The following LRP1B variants were observed in gnomAD, a reference collection of about 807,000 sequenced individuals.
LRP1B encodes low-density lipoprotein receptor-related protein 1B.
LRP1B carries 217 observed loss-of-function variants against 556.6 expected under a neutral mutation model. That is an observed-to-expected ratio of 0.39 (90% confidence interval 0.35 to 0.44). The LOEUF is 0.44. LRP1B is among the 20% of genes least tolerant of loss of function. The pLI, the probability that LRP1B is intolerant of heterozygous loss-of-function variation, is 1.00. For missense variants in LRP1B, 5,053 were observed against 5,620.8 expected (o/e 0.90, Z 3.23); for synonymous variants, 2,047 against 1,865.8 (o/e 1.10, Z -2.50).
intron 79 of LRP1B, among the ~76,000 whole-genome samples, chr2:140,326,463 C>G (rs907393059): frequency 2.0e-5 from 3 of 152,080 alleles, no homozygotes; most frequent in African/African-American, 7.2e-5. Context: ...TGGTGGCTCA[C>G]GCCTGTAATC....
chr2:141,176,885 C>CA (rs533851041), intron 7 of LRP1B, among the ~76,000 whole-genome samples: 1,874 of 151,968 alleles, frequency 0.012, 14 homozygotes, highest in Middle Eastern at 0.024. Flanking sequence ...AATGTTATTA[C>CA]AAAAAAATAA....
At chr2:142,122,192 C>T (rs1370353454) in intron 1 of LRP1B, among the ~76,000 whole-genome samples, 3 of 151,994 alleles carry the variant, frequency 2.0e-5, no homozygotes, top group Non-Finnish European at 4.4e-5. Flanking sequence ...CCCTCATGCC[C>T]TTCATTACTT....
Position 141,062,204 on chromosome 2 carries a change from T to G in LRP1B, c.1083A>C (p.Arg361=), listed in dbSNP as rs148137960. The change falls in exon 8 of 91, where the codon CGA becomes CGC. Residue 361 remains arginine, a synonymous_variant. Transcript: ENST00000389484. ...CTGTCTTTGAATCAATTATCCTTGT[T>G]CGGTTCATCCCATCCATGTCACATC... ...VERCDMDGMN[R]TRIIDSKTEQ... 3.1e-6 allele frequency: 5 copies of G among 1,611,872 alleles called. No homozygotes were observed. The African/African-American group carries it at 5.3e-5, about 17-fold the overall frequency.
intron 2 of LRP1B, among the ~76,000 whole-genome samples, chr2:141,691,989 T>C (rs1355700137): frequency 1.3e-5 from 2 of 152,018 alleles, no homozygotes; most frequent in Non-Finnish European, 2.9e-5. Flanking sequence ...TTTTTCCAAA[T>C]GACAATATAG....
intron 7 of LRP1B, among the ~76,000 whole-genome samples, chr2:141,078,220 T>A (rs1463256911): frequency 3.9e-5 from 6 of 152,310 alleles, no homozygotes; most frequent in African/African-American, 4.8e-5. Flanking sequence ...ATGAACCTAG[T>A]AAGCAGTGTC....
chr2:141,650,661 A>G (rs1169106093), intron 2 of LRP1B, among the ~76,000 whole-genome samples: 2 of 152,226 alleles, frequency 1.3e-5, no homozygotes, highest in African/African-American at 4.8e-5. Flanking sequence ...TAGTGCAAAA[A>G]GAACATTTGA....
At chr2:141,624,963 T>C (rs765884310) in intron 2 of LRP1B, among the ~76,000 whole-genome samples, 1 of 151,808 alleles carries the variant, frequency 6.6e-6, no homozygotes, top group Non-Finnish European at 1.5e-5. Context: ...AGAGTCGGGG[T>C]TTCACTGTGT....
chr2:141,947,420 A>G (rs943332571), intron 1 of LRP1B, among the ~76,000 whole-genome samples: 1 of 152,080 alleles, frequency 6.6e-6, no homozygotes, highest in African/African-American at 2.4e-5. Context: ...CTGGGGACAC[A>G]GCGAGAGTCC....
chr2:140,867,730 C>A lies in LRP1B; in HGVS notation c.4439G>T (p.Ser1480Ile). The A allele has an allele frequency of 6.2e-7, 1 of 1,612,998 alleles. No individual in the cohort carries two copies. Among genetic ancestry groups the A allele is most frequent in the Non-Finnish European group, 8.5e-7 (1 of 1,179,382 alleles). Residue 1480 changes from serine to isoleucine, a missense_variant, in exon 27 of 91, where the codon AGT (serine) becomes ATT (isoleucine). Ser to Ile is a moderately radical substitution (Grantham distance 142). Transcript: ENST00000389484. ...CCTCCAGTCTGTCCAGTAGACTTCA[C>A]TCCCATATAGAGACACAGCAAAGGG... ...SHPFAVSLYG[S>I]EVYWTDWRTN...
At chr2:140,460,292 C>G (rs923629554) in intron 60 of LRP1B, among the ~76,000 whole-genome samples, 4 of 152,088 alleles carry the variant, frequency 2.6e-5, no homozygotes, top group Admixed American at 2.6e-4. Context: ...CATGAGCCAA[C>G]TAAACTTATT....
chr2:141,336,633 G>C (rs1404043235), intron 3 of LRP1B, among the ~76,000 whole-genome samples: 2 of 151,998 alleles, frequency 1.3e-5, no homozygotes, highest in African/African-American at 4.8e-5. Flanking sequence ...CGTATAGATT[G>C]ATGTAACCAT....
chr2:140,734,176 A>C (rs1046007765), intron 35 of LRP1B, among the ~76,000 whole-genome samples: 1 of 152,256 alleles, frequency 6.6e-6, no homozygotes, highest in Non-Finnish European at 1.5e-5. Context: ...TATAAATCAG[A>C]CTTGAATCCT....
At chr2:140,331,686 CATATATATAT>C (rs10571873) in intron 79 of LRP1B, among the ~76,000 whole-genome samples, 1 of 143,072 alleles carries the variant, frequency 7.0e-6, no homozygotes, top group Non-Finnish European at 1.5e-5. Context: ...TATATATATA[CATATATATAT>C]ATATATATAT....
At chr2:140,927,769 C>T (rs1694930629) in intron 20 of LRP1B, among the ~76,000 whole-genome samples, 1 of 139,516 alleles carries the variant, frequency 7.2e-6, no homozygotes, top group Non-Finnish European at 1.5e-5. Context: ...TGCAATAGTG[C>T]AATCTTGGCT....
chr2:141,092,855 T>G (rs935406205), intron 7 of LRP1B, among the ~76,000 whole-genome samples: 2 of 152,220 alleles, frequency 1.3e-5, no homozygotes, highest in African/African-American at 2.4e-5. Flanking sequence ...CAGCTTATTG[T>G]TAACCTCGAT....
At chr2:141,419,732 T>C (rs1680068371) in intron 3 of LRP1B, among the ~76,000 whole-genome samples, 1 of 152,074 alleles carries the variant, frequency 6.6e-6, no homozygotes, top group Non-Finnish European at 1.5e-5. Flanking sequence ...TTTTCTATTG[T>C]TTCTATATTT....
At chr2:140,577,449 C>T (rs1434442503) in intron 43 of LRP1B, among the ~76,000 whole-genome samples, 1 of 149,586 alleles carries the variant, frequency 6.7e-6, no homozygotes, top group Admixed American at 6.7e-5. Flanking sequence ...GACAAGGTTT[C>T]ACTGTCACCC....
intron 1 of LRP1B, among the ~76,000 whole-genome samples, chr2:142,034,126 A>C (rs1237201925): frequency 6.6e-6 from 1 of 151,164 alleles, no homozygotes; most frequent in Non-Finnish European, 1.5e-5. Flanking sequence ...TGCCCTCTCC[A>C]CTCTACCTGT....
intron 1 of LRP1B, among the ~76,000 whole-genome samples, chr2:141,981,451 AAG>A (rs571321003): frequency 1.2e-4 from 19 of 152,278 alleles, no homozygotes; most frequent in Non-Finnish European, 1.9e-4. Context: ...TATGAGGCAC[AAG>A]AGAGAGAAGG....
Sources: allele counts gnomAD v4.1 joint callset (sites outside exome capture counted in the v4.1 genomes callset), GRCh38; gene constraint gnomAD v4.1.1; transcripts MANE v1.5; gene names NCBI Gene and HGNC (gene_info 2026-07-23, HGNC 2026-07-21).